The following ERCC6L2 variants were observed in gnomAD, a reference collection of about 807,000 sequenced individuals.
ERCC6L2 encodes ERCC excision repair 6 like 2, also known as DNA excision repair protein ERCC-6-like 2.
Under a neutral mutation model 132.0 loss-of-function variants are expected in ERCC6L2, and 77 were observed. The ratio of observed to expected loss-of-function variants is 0.58; its 90% CI spans 0.49 to 0.71. The LOEUF is 0.71. Ranked by LOEUF, ERCC6L2 falls within the 30% of genes least tolerant of loss-of-function variation. The pLI, the probability that ERCC6L2 is intolerant of heterozygous loss-of-function variation, is 0.00. For synonymous variants in ERCC6L2, 583 were observed against 632.4 expected (o/e 0.92, Z 1.17); for missense variants, 1,542 against 1,837.6 (o/e 0.84, Z 2.94).
chr9:95,952,280 C>T (rs1359828166), intron 12 of ERCC6L2, among the ~76,000 whole-genome samples: 1 of 150,770 alleles, frequency 6.6e-6, no homozygotes, highest in East Asian at 1.9e-4. Flanking sequence ...ACCCCAATAC[C>T]AAAATCAAAG....
In ERCC6L2 at chr9:95,917,252, T is replaced by C. The variant is rs117764292; in HGVS notation, c.1158+818T>C. Reference sequence around the variant, plus strand: ...TAGGAAAACTACATTGTTAAATTGTTCAAGAAAATATGAGGAGTGGACTTC... The same window carrying C: ...TAGGAAAACTACATTGTTAAATTGTCCAAGAAAATATGAGGAGTGGACTTC... On this transcript the variant is annotated intron_variant, in intron 6 of 18. Coordinates refer to ENST00000653738, the MANE Select transcript of ERCC6L2 (RefSeq NM_020207.7). Among the ~76,000 whole-genome samples the C allele has an allele frequency of 5.2e-4, 79 of 152,340 alleles. 1 individual carries two copies. In the East Asian group the frequency reaches 0.014, roughly 28 times the overall value.
intron 16 of ERCC6L2, among the ~76,000 whole-genome samples, chr9:95,977,787 C>G (rs1204551908): frequency 6.6e-6 from 1 of 151,356 alleles, no homozygotes; most frequent in Non-Finnish European, 1.5e-5. Context: ...GGACCCTACT[C>G]AACCCTGACT....
chr9:96,030,523 C>G (rs1184927011), intron 19 of ERCC6L2, among the ~76,000 whole-genome samples: 1 of 151,954 alleles, frequency 6.6e-6, no homozygotes, highest in African/African-American at 2.4e-5. Context: ...CGGTGAAACC[C>G]CGTCTCTACT....
Position 95,921,179 on chromosome 9 carries a change from T to G in ERCC6L2, c.1163T>G (p.Val388Gly), listed in dbSNP as rs764954422. ...DQLPKKEDRM[V>G]YCSLTDFQKA... is the part of the protein sequence containing the mutation. ...CCTTGTATTTTATCTTGGCAGATGG[T>G]GTATTGTTCTTTGACAGATTTCCAG... is the stretch of plus-strand genomic sequence containing the variant. The change falls in exon 7 of 19, where the codon GTG becomes GGG. Residue 388 changes from valine (V) to glycine (G), a missense_variant. Physicochemically the swap from Val to Gly is moderately radical, Grantham distance 109. Transcript: ENST00000653738. 2 of 1,607,994 alleles carry G rather than the reference T, an allele frequency of 1.2e-6. No homozygotes were observed. Among genetic ancestry groups the G allele is most frequent in the South Asian group, 2.2e-5 (2 of 89,790 alleles).
chr9:95,885,279 AT>A (rs1281334563), intron 2 of ERCC6L2, among the ~76,000 whole-genome samples: 1 of 152,206 alleles, frequency 6.6e-6, no homozygotes, highest in Non-Finnish European at 1.5e-5. Context: ...CTTTTGTTGC[AT>A]TTTAAAATAG....
rs1416436042 is a variant in ERCC6L2, at chr9:96,017,386, C to T, written c.*4183C>T. Among the ~76,000 whole-genome samples, 1 of 152,016 alleles carries T rather than the reference C, an allele frequency of 6.6e-6. No individual in the cohort carries two copies. On this transcript the variant is annotated 3_prime_UTR_variant, in exon 19 of 19. Transcript: ENST00000653738. ...AGTGCATCTGATAGTTACTCTCTGCCCCTAGGAGGAAAGACAGATTCGCCC... is the reference window on the plus strand; with the variant it reads ...AGTGCATCTGATAGTTACTCTCTGCTCCTAGGAGGAAAGACAGATTCGCCC...
intron 17 of ERCC6L2, among the ~76,000 whole-genome samples, chr9:96,003,159 G>A (rs755198635): frequency 2.0e-5 from 3 of 151,908 alleles, no homozygotes; most frequent in Non-Finnish European, 2.9e-5. Flanking sequence ...GTAATTCCTC[G>A]GATTTCAGTT....
Position 95,955,148 on chromosome 9 carries a change from G to C in ERCC6L2, c.1848-766G>C, listed in dbSNP as rs116898589. ...AGACCTATAGTTAAACCACTGTGAT[G>C]AATCAGTTTAGAATTTTAATTAGCA... On this transcript the variant is annotated intron_variant, in intron 12 of 18. Transcript: ENST00000653738. Among the ~76,000 whole-genome samples, 763 of 152,226 alleles carry C rather than the reference G, an allele frequency of 5.0e-3. 3 individuals carry two copies. Among genetic ancestry groups the C allele is most frequent in the Non-Finnish European group, 8.0e-3 (543 of 68,024 alleles).
Position 95,941,568 on chromosome 9 carries a change from T to C in ERCC6L2, c.1847+19T>C. ...TTGACAGGTATAATACTGACAAAATTTAAAGTGATCTGCAAATACTTTTAA... is the reference window on the plus strand; with the variant it reads ...TTGACAGGTATAATACTGACAAAATCTAAAGTGATCTGCAAATACTTTTAA... On this transcript the variant is annotated intron_variant, in intron 12 of 18. Transcript: ENST00000653738. 1 of 1,538,860 alleles carries C rather than the reference T, an allele frequency of 6.5e-7. No homozygotes were observed. The highest frequency in any genetic ancestry group is 9.0e-7 in the Non-Finnish European group (1 of 1,113,580).
chr9:96,028,367 G>A (rs531547991), intron 19 of ERCC6L2, among the ~76,000 whole-genome samples: 2 of 152,326 alleles, frequency 1.3e-5, no homozygotes, highest in Non-Finnish European at 2.9e-5. Context: ...CCTTCCTTGA[G>A]ATTAGAGTGT....
downstream of ERCC6L2, among the ~76,000 whole-genome samples, chr9:96,022,916 C>G (rs1261212918): frequency 6.6e-6 from 1 of 152,196 alleles, no homozygotes; most frequent in African/African-American, 2.4e-5. Flanking sequence ...CTCCCTCCCC[C>G]ACAGACACAG....
At chr9:95,924,040 C>T (rs1454883591) in intron 9 of ERCC6L2, among the ~76,000 whole-genome samples, 1 of 152,188 alleles carries the variant, frequency 6.6e-6, no homozygotes, top group Non-Finnish European at 1.5e-5. Context: ...TGCCTCCTTG[C>T]AACAACAGAG....
At chr9:96,026,694 C>A (rs1834370999) in intron 19 of ERCC6L2, among the ~76,000 whole-genome samples, 1 of 143,828 alleles carries the variant, frequency 7.0e-6, no homozygotes, top group African/African-American at 2.6e-5. Flanking sequence ...CACCACACTA[C>A]ACACAAACGC....
intron 17 of ERCC6L2, among the ~76,000 whole-genome samples, chr9:95,990,004 T>C (rs548881889): frequency 1.3e-5 from 2 of 152,278 alleles, no homozygotes; most frequent in African/African-American, 2.4e-5. Context: ...CAGACTTACA[T>C]TGGACAACAG....
At chr9:95,941,226 G>C (rs370139170) in intron 11 of ERCC6L2, among the ~76,000 whole-genome samples, 1 of 152,074 alleles carries the variant, frequency 6.6e-6, no homozygotes, top group East Asian at 1.9e-4. Flanking sequence ...AACTATTTAC[G>C]TGGGCTCTAA....
chr9:95,984,625 T>C (rs1027618542), intron 17 of ERCC6L2, among the ~76,000 whole-genome samples: 1 of 152,308 alleles, frequency 6.6e-6, no homozygotes, highest in South Asian at 2.1e-4. Flanking sequence ...AAATTTTTTA[T>C]TATGATTATA....
rs773387043 is a variant in ERCC6L2, at chr9:95,881,117, T to G, written c.295T>G (p.Phe99Val). ...AAAACCTTATTTCCCAAACCGAAAA[T>G]TTCCATCATCTTCTGTTGCTTTTAA... ...LEKPYFPNRK[F>V]PSSSVAFKLS... Residue 99 changes from phenylalanine (F) to valine (V), a missense_variant, in exon 2 of 19, where the codon TTT (phenylalanine) becomes GTT (valine). Phe to Val is a conservative substitution (Grantham distance 50, BLOSUM62 -1). Transcript: ENST00000653738. The G allele has an allele frequency of 6.2e-7, 1 of 1,613,452 alleles. No homozygotes were observed. Among genetic ancestry groups the G allele is most frequent in the Non-Finnish European group, 8.5e-7 (1 of 1,179,824 alleles).
intron 11 of ERCC6L2, among the ~76,000 whole-genome samples, chr9:95,939,152 C>A (rs1830687320): frequency 6.6e-6 from 1 of 152,104 alleles, no homozygotes; most frequent in African/African-American, 2.4e-5. Flanking sequence ...GATTGTATTG[C>A]AGTTTTCCTT....
At position 95,881,268 on chromosome 9, in the gene ERCC6L2, A is replaced by G; in HGVS notation, c.446A>G (p.Asp149Gly). The change falls in exon 2 of 19, where the codon GAC becomes GGC. Residue 149 changes from aspartate to glycine, a missense_variant. Asp to Gly is a moderately conservative substitution (Grantham distance 94). This residue lies in a region of ERCC6L2 where 945 missense variants were observed against 1,105.2 expected (regional missense o/e 0.86). Coordinates refer to ENST00000653738, the MANE Select transcript of ERCC6L2 (RefSeq NM_020207.7). ...IHGGGCILGD[D>G]MGLGKTVQVI... ...GGAGGAGGGTGCATTCTGGGTGATG[A>G]CATGGGACTTGGAAAAACAGTACAG... 1 of 1,571,274 alleles carries G rather than the reference A, an allele frequency of 6.4e-7. No individual in the cohort carries two copies. Among genetic ancestry groups the G allele is most frequent in the Non-Finnish European group, 8.6e-7 (1 of 1,165,958 alleles).
Sources: gnomAD v4.1 joint callset for allele counts (sites outside exome capture counted in the v4.1 genomes callset) on GRCh38, gnomAD v4.1.1 for gene constraint, gnomAD v4.1.1 regional missense constraint, MANE v1.5 for transcripts, NCBI Gene and HGNC (gene_info 2026-07-23, HGNC 2026-07-21) for gene names.